Variants in SCFD2 observed in about 807,000 individuals in gnomAD.
SCFD2 encodes the protein sec1 family domain containing 2, also known as sec1 family domain-containing protein 2.
Under a neutral mutation model 58.9 loss-of-function variants are expected in SCFD2, and 54 were observed. The ratio of observed to expected loss-of-function variants is 0.92; its 90% CI spans 0.74 to 1.15. SCFD2 has a LOEUF of 1.15. Among genes scored for constraint, SCFD2 ranks in the 50% most tolerant of loss-of-function variants. The probability of loss-of-function intolerance (pLI) is 0.00; values close to 1 mark genes in which losing one functional copy is unlikely to be tolerated. For synonymous variants in SCFD2, 321 were observed against 335.9 expected (o/e 0.96, Z 0.49); for missense variants, 805 against 836.6 (o/e 0.96, Z 0.47).
At chr4:53,092,433 A>C (rs2148867191) in intron 5 of SCFD2, among the ~76,000 whole-genome samples, 1 of 152,124 alleles carries the variant, frequency 6.6e-6, no homozygotes, top group Middle Eastern at 3.4e-3. Flanking sequence ...TAGCAATTAC[A>C]CTCTCATGCA....
At chr4:52,880,200 G>C (rs1244251407) in intron 8 of SCFD2, among the ~76,000 whole-genome samples, 1 of 152,154 alleles carries the variant, frequency 6.6e-6, no homozygotes, top group East Asian at 1.9e-4. Flanking sequence ...TCTCCCTGGG[G>C]CTTCCCATCA....
At chr4:53,364,972 C>T (rs1333053224) in intron 1 of SCFD2, 132 bp downstream of exon 1, 13 of 1,053,024 alleles carry the variant, frequency 1.2e-5, no homozygotes, top group African/African-American at 8.0e-5. Context: ...GATTAGAGAC[C>T]GTGTCCATCT....
At chr4:53,117,496 G>A (rs1269396006) in intron 5 of SCFD2, among the ~76,000 whole-genome samples, 3 of 152,140 alleles carry the variant, frequency 2.0e-5, no homozygotes, top group Non-Finnish European at 4.4e-5. Context: ...TCAAAGGTAA[G>A]AGGTGATTTA....
At chr4:52,914,102 C>G (rs1229866726) in intron 6 of SCFD2, among the ~76,000 whole-genome samples, 1 of 152,080 alleles carries the variant, frequency 6.6e-6, no homozygotes, top group Non-Finnish European at 1.5e-5. Flanking sequence ...AAGAATTTAA[C>G]CTTTGGTTAA....
At chr4:53,064,897 C>A (rs143629526) in intron 5 of SCFD2, among the ~76,000 whole-genome samples, 1 of 152,042 alleles carries the variant, frequency 6.6e-6, no homozygotes, top group Admixed American at 6.6e-5. Flanking sequence ...CAGTGTCTGG[C>A]ATGTAGAAAG....
chr4:53,359,899 C>T (rs1734504468), intron 1 of SCFD2, among the ~76,000 whole-genome samples: 1 of 152,194 alleles, frequency 6.6e-6, no homozygotes, highest in Non-Finnish European at 1.5e-5. Flanking sequence ...CACTCTGAAA[C>T]AGTGGGCAAG....
At chr4:53,357,426 C>A (rs889637675) in intron 1 of SCFD2, among the ~76,000 whole-genome samples, 33 of 143,020 alleles carry the variant, frequency 2.3e-4, no homozygotes, top group Non-Finnish European at 4.0e-4. Flanking sequence ...AAGACTCTGT[C>A]TCAAAAAAAA....
At chr4:53,217,382 T>A (rs945214815) in intron 4 of SCFD2, among the ~76,000 whole-genome samples, 2 of 152,206 alleles carry the variant, frequency 1.3e-5, no homozygotes, top group African/African-American at 2.4e-5. Flanking sequence ...GTTGAATTGA[T>A]CCCTTTACCA....
intron 6 of SCFD2, among the ~76,000 whole-genome samples, chr4:52,916,805 A>G (rs1719621812): frequency 6.6e-6 from 1 of 152,246 alleles, no homozygotes; most frequent in African/African-American, 2.4e-5. Flanking sequence ...AAAAGAAGAC[A>G]AAGGAAGGCC....
intron 7 of SCFD2, among the ~76,000 whole-genome samples, chr4:52,906,163 G>T (rs1719343223): frequency 6.6e-6 from 1 of 152,130 alleles, no homozygotes; most frequent in Admixed American, 6.5e-5. Flanking sequence ...GCCTTCATTT[G>T]TACCCTTGGC....
At chr4:53,183,108 T>G (rs1727627060) in intron 4 of SCFD2, among the ~76,000 whole-genome samples, 2 of 152,152 alleles carry the variant, frequency 1.3e-5, no homozygotes, top group South Asian at 4.2e-4. Flanking sequence ...TCCTCAGGGA[T>G]CTAGAACTAG....
chr4:52,998,462 AAG>A (rs1488551598), intron 5 of SCFD2, among the ~76,000 whole-genome samples: 4 of 152,392 alleles, frequency 2.6e-5, no homozygotes, highest in Admixed American at 2.6e-4. Context: ...TGTCAATGAT[AAG>A]AGATTAAATC....
chr4:53,131,793 G>C (rs1346723860), intron 5 of SCFD2, among the ~76,000 whole-genome samples: 1 of 152,146 alleles, frequency 6.6e-6, no homozygotes, highest in Non-Finnish European at 1.5e-5. Flanking sequence ...ATAGCTTTGT[G>C]TTCAAGAAAA....
intron 5 of SCFD2, among the ~76,000 whole-genome samples, chr4:53,011,916 T>C (rs1722101116): frequency 6.6e-6 from 1 of 151,992 alleles, no homozygotes; most frequent in Admixed American, 6.6e-5. Context: ...CCGACATTGA[T>C]TGTGGGGAGA....
At chr4:53,183,045 C>G (rs888429552) in intron 4 of SCFD2, among the ~76,000 whole-genome samples, 2 of 152,200 alleles carry the variant, frequency 1.3e-5, no homozygotes, top group African/African-American at 4.8e-5. Context: ...CACTTTTACA[C>G]TGTTGGTGAG....
rs917306372 is a variant in SCFD2 at position 52,873,682 on chromosome 4, T to C, written c.*287A>G. The C allele has an allele frequency of 8.6e-6, 2 of 232,646 alleles. No individual in the cohort carries two copies. Among genetic ancestry groups the C allele is most frequent in the African/African-American group, 2.3e-5 (1 of 44,204 alleles). The allele number at this position is 232,646 out of a possible 1,614,324, so 14.4% of individuals were successfully genotyped here. On this transcript the variant is annotated 3_prime_UTR_variant, in exon 9 of 9. Coordinates refer to ENST00000401642, the MANE Select transcript of SCFD2 (RefSeq NM_152540.4). ...GAACTTGTAGGTGGAATCAGGAAGA[T>C]CACAAACAGAGGGTTAAGGATAAAT...
intron 5 of SCFD2, among the ~76,000 whole-genome samples, chr4:53,140,015 G>C (rs375247779): frequency 0.021 from 3,099 of 150,962 alleles, 42 homozygotes; most frequent in Non-Finnish European, 0.033. Flanking sequence ...CAGCATGCTC[G>C]TTAAGAGTCA....
At chr4:53,281,277 T>C (rs1731500774) in intron 3 of SCFD2, among the ~76,000 whole-genome samples, 3 of 152,240 alleles carry the variant, frequency 2.0e-5, no homozygotes, top group Non-Finnish European at 1.5e-5. Flanking sequence ...TTAATGTTTT[T>C]GTAAGTGCTC....
At chr4:53,353,936 T>G (rs1734319377) in intron 1 of SCFD2, among the ~76,000 whole-genome samples, 1 of 152,214 alleles carries the variant, frequency 6.6e-6, no homozygotes, top group South Asian at 2.1e-4. Context: ...AGACACAAAG[T>G]GCTGATTGGT....
Sources: gnomAD v4.1 joint callset for allele counts (sites outside exome capture counted in the v4.1 genomes callset) on GRCh38, gnomAD v4.1.1 for gene constraint, MANE v1.5 for transcripts, NCBI Gene and HGNC (gene_info 2026-07-23, HGNC 2026-07-21) for gene names.